DLGAP2: variants seen among roughly 807,000 people sequenced by gnomAD.
DLGAP2 encodes the protein disks large-associated protein 2.
DLGAP2 carries 26 observed loss-of-function variants against 100.3 expected under a neutral mutation model. The observed-to-expected ratio is 0.26, with a 90% CI of 0.19 to 0.36. The LOEUF (loss-of-function observed/expected upper bound fraction) is 0.36. Among genes scored for constraint, DLGAP2 ranks in the 10% least tolerant of loss-of-function variants. The pLI is 1.00. For missense variants in DLGAP2, 1,858 were observed against 1,453.2 expected, an observed-to-expected ratio of 1.28 and a Z score of -4.53; for synonymous variants, 886 against 630.1, an observed-to-expected ratio of 1.41 and a Z score of -6.08.
intron 8 of DLGAP2, among the ~76,000 whole-genome samples, chr8:1,652,995 C>A (rs1157335870): frequency 2.6e-5 from 4 of 152,148 alleles, no homozygotes; most frequent in Non-Finnish European, 4.4e-5. Flanking sequence ...TCCTGGTGAC[C>A]CAGAGGACTG....
At chr8:1,098,320 AC>A (rs1304824964) in intron 2 of DLGAP2, among the ~76,000 whole-genome samples, 1 of 150,288 alleles carries the variant, frequency 6.7e-6, no homozygotes, top group Admixed American at 6.6e-5. Flanking sequence ...AGGTGCCCAA[AC>A]AATGTTTGTT....
At chr8:1,535,035 C>T (rs371129002) in intron 4 of DLGAP2, among the ~76,000 whole-genome samples, 3 of 152,352 alleles carry the variant, frequency 2.0e-5, no homozygotes, top group South Asian at 4.1e-4. Flanking sequence ...TCATTAAGCT[C>T]TTTCTGGTTG....
intron 1 of DLGAP2, among the ~76,000 whole-genome samples, chr8:905,805 C>A: frequency 6.7e-6 from 1 of 149,622 alleles, no homozygotes; most frequent in Non-Finnish European, 1.5e-5. Context: ...CAGCCCCACC[C>A]TCCCGCCCCC....
In DLGAP2 at chr8:1,267,618, T is replaced by TA. The variant is rs1563052066; in HGVS notation, c.106+8737dup. Reference sequence around the variant, plus strand: ...TAAGATAAGATAAGATAAGATAAGATAAGATAAATATTAAATAGGTCTACA... The same window carrying TA: ...TAAGATAAGATAAGATAAGATAAGATAAAGATAAATATTAAATAGGTCTACA... On this transcript the variant is annotated intron_variant, in intron 3 of 14. Transcript: ENST00000637795. Among the ~76,000 whole-genome samples the TA allele has an allele frequency of 3.8e-5, 3 of 78,034 alleles. 1 individual carries two copies. Among genetic ancestry groups the TA allele is most frequent in the Non-Finnish European group, 7.5e-5 (3 of 40,200 alleles). The allele number at this position is 78,034 out of a possible 152,430, so 51.2% of individuals were successfully genotyped here.
intron 3 of DLGAP2, among the ~76,000 whole-genome samples, chr8:1,373,437 C>G (rs900085176): frequency 6.6e-6 from 1 of 152,108 alleles, no homozygotes; most frequent in Non-Finnish European, 1.5e-5. Context: ...GACGGGGGGC[C>G]GGACAGAGAG....
intron 4 of DLGAP2, among the ~76,000 whole-genome samples, chr8:1,506,899 G>A (rs888554839): frequency 6.6e-6 from 1 of 152,174 alleles, no homozygotes; most frequent in Non-Finnish European, 1.5e-5. Context: ...GCTAGACACA[G>A]AGTGCTGATT....
At chr8:1,308,672 C>T (rs1800546616) in intron 3 of DLGAP2, among the ~76,000 whole-genome samples, 3 of 152,090 alleles carry the variant, frequency 2.0e-5, no homozygotes, top group South Asian at 4.1e-4. Context: ...ACTACAGGTG[C>T]CCGCTACCAT....
At chr8:1,380,855 TA>T (rs1410339401) in intron 3 of DLGAP2, among the ~76,000 whole-genome samples, 1 of 124,974 alleles carries the variant, frequency 8.0e-6, no homozygotes, top group Non-Finnish European at 1.6e-5. Context: ...CTTAAGAAAA[TA>T]AAGCCATAAG....
intron 2 of DLGAP2, among the ~76,000 whole-genome samples, chr8:1,255,622 C>A (rs1414527520): frequency 3.5e-5 from 4 of 113,416 alleles, no homozygotes; most frequent in African/African-American, 5.4e-5. Context: ...TGCCTGGGTG[C>A]TGTGTGTGTG....
rs1267996719 is a variant in DLGAP2 at position 1,003,756 on chromosome 8, C to G, written c.73+95790C>G. ...TGTTGTCTGAGCGCCTGGATTCTCTCTCATGAGACCTGTCCAGCACCTTGG... is the reference window on the plus strand; with the variant it reads ...TGTTGTCTGAGCGCCTGGATTCTCTGTCATGAGACCTGTCCAGCACCTTGG... On this transcript the variant is annotated intron_variant, in intron 2 of 14. Coordinates refer to ENST00000637795, the MANE Select transcript of DLGAP2 (RefSeq NM_001346810.2). 3.3e-5 allele frequency among the ~76,000 whole-genome samples: 5 copies of G among 152,192 alleles called. No individual in the cohort carries two copies. In the East Asian group the frequency reaches 7.7e-4, roughly 23 times the overall value.
intron 3 of DLGAP2, chr8:1,262,339 G>T (rs1462607382): frequency 6.6e-6 from 1 of 152,170 alleles, no homozygotes; most frequent in Admixed American, 6.5e-5. Context: ...TTTGAAACTT[G>T]TGAGACTATG....
intron 2 of DLGAP2, among the ~76,000 whole-genome samples, chr8:1,207,354 T>C (rs1798018406): frequency 6.6e-6 from 1 of 152,254 alleles, no homozygotes; most frequent in Non-Finnish European, 1.5e-5. Flanking sequence ...CTTGTGTTAC[T>C]TCACTTTGAA....
intron 3 of DLGAP2, among the ~76,000 whole-genome samples, chr8:1,319,248 C>G (rs943955741): frequency 2.0e-5 from 3 of 152,154 alleles, no homozygotes; most frequent in African/African-American, 7.2e-5. Flanking sequence ...CTCAGCTAAG[C>G]TCTCTGGAAT....
intron 1 of DLGAP2, among the ~76,000 whole-genome samples, chr8:810,161 G>A (rs1796346144): frequency 6.6e-6 from 1 of 152,190 alleles, no homozygotes; most frequent in Admixed American, 6.5e-5. Context: ...TCTGGAACAT[G>A]TGGACTTTCC....
intron 2 of DLGAP2, among the ~76,000 whole-genome samples, chr8:1,146,354 G>T (rs1274021885): frequency 6.6e-6 from 1 of 152,182 alleles, no homozygotes; most frequent in Admixed American, 6.5e-5. Flanking sequence ...CCAGATATGA[G>T]GCCCTTTACA....
At chr8:1,062,015 T>A (rs1239716385) in intron 2 of DLGAP2, among the ~76,000 whole-genome samples, 2 of 151,614 alleles carry the variant, frequency 1.3e-5, no homozygotes, top group Non-Finnish European at 2.9e-5. Flanking sequence ...ATAGGGATCA[T>A]TTGTGAAATG....
At chr8:1,192,321 G>A (rs1797657141) in intron 2 of DLGAP2, among the ~76,000 whole-genome samples, 1 of 152,130 alleles carries the variant, frequency 6.6e-6, no homozygotes, top group South Asian at 2.1e-4. Context: ...ATATATTTAT[G>A]GTGTAGAATA....
intron 3 of DLGAP2, among the ~76,000 whole-genome samples, chr8:1,459,282 T>G (rs9785136): frequency 0.63 from 34,475 of 54,460 alleles, 9,047 homozygotes; most frequent in South Asian, 0.75. Context: ...ATACCTGAGG[T>G]GTCACCCTAC....
intron 2 of DLGAP2, among the ~76,000 whole-genome samples, chr8:1,065,623 C>T (rs1452816155): frequency 5.3e-5 from 8 of 152,204 alleles, no homozygotes; most frequent in Non-Finnish European, 1.0e-4. Flanking sequence ...TGCCCGTGTG[C>T]TTCCTTTCTT....
Sources: gnomAD v4.1 joint callset for allele counts (sites outside exome capture counted in the v4.1 genomes callset) on GRCh38, gnomAD v4.1.1 for gene constraint, MANE v1.5 for transcripts, NCBI Gene and HGNC (gene_info 2026-07-23, HGNC 2026-07-21) for gene names.